The following NAV3 variants were observed in gnomAD, a reference collection of about 807,000 sequenced individuals.
The protein encoded by NAV3 is neuron navigator 3.
NAV3 carries 87 observed loss-of-function variants against 244.7 expected under a neutral mutation model. The ratio of observed to expected loss-of-function variants is 0.36; its 90% CI spans 0.30 to 0.42. NAV3 has a LOEUF of 0.42. NAV3 is among the 20% of genes least tolerant of loss of function. The pLI, the probability that NAV3 is intolerant of heterozygous loss-of-function variation, is 1.00. For missense variants in NAV3, 2,663 were observed against 2,893.3 expected (o/e 0.92, Z 1.83); for synonymous variants, 1,126 against 1,042.2 (o/e 1.08, Z -1.55).
chr12:77,782,812 A>G, intron 2 of NAV3, among the ~76,000 whole-genome samples: 1 of 152,214 alleles, frequency 6.6e-6, no homozygotes, highest in East Asian at 1.9e-4. Flanking sequence ...TAGAATATTT[A>G]CTGCTTATTT....
intron 3 of NAV3, among the ~76,000 whole-genome samples, chr12:77,949,129 A>T (rs975527630): frequency 7.9e-5 from 12 of 152,042 alleles, no homozygotes; most frequent in African/African-American, 2.7e-4. Flanking sequence ...CCTGCCTTCT[A>T]TTAGCCATGT....
intron 12 of NAV3, among the ~76,000 whole-genome samples, chr12:78,062,531 A>G (rs1884466736): frequency 6.6e-6 from 1 of 152,160 alleles, no homozygotes; most frequent in Admixed American, 6.6e-5. Flanking sequence ...TCAAAGTAAC[A>G]TCTGCTTAAT....
At chr12:77,804,699 T>A (rs114243068) in intron 2 of NAV3, among the ~76,000 whole-genome samples, 3,172 of 152,212 alleles carry the variant, frequency 0.021, 106 homozygotes, top group African/African-American at 0.073. Context: ...TTTTTTTTAA[T>A]TCTGTGAATA....
intron 28 of NAV3, 143 bp from the exon 29 acceptor site, chr12:78,179,383 CCTT>C: frequency 1.2e-6 from 1 of 813,956 alleles, no homozygotes; most frequent in Non-Finnish European, 1.8e-6. Flanking sequence ...TTGTAAAACT[CCTT>C]CTCCTTTTCT....
chr12:78,137,425 A>G (rs1956421682), intron 19 of NAV3, 60 bp downstream of exon 19: 1 of 1,481,498 alleles, frequency 6.7e-7, no homozygotes, highest in Non-Finnish European at 9.0e-7. Context: ...GAGGGAAACC[A>G]TTGTGTCACT....
intron 12 of NAV3, chr12:78,091,843 G>A (rs1953960570): frequency 6.7e-6 from 1 of 149,762 alleles, no homozygotes; most frequent in South Asian, 2.1e-4. Context: ...CATTTCTTGT[G>A]CAATTTCTCC....
intron 1 of NAV3, among the ~76,000 whole-genome samples, chr12:77,891,422 A>G (rs892707766): frequency 6.6e-6 from 1 of 151,974 alleles, no homozygotes; most frequent in Non-Finnish European, 1.5e-5. Flanking sequence ...AACCCAAAAT[A>G]TCCTCAAAAG....
At chr12:78,127,082 T>A (rs1216613661) in intron 16 of NAV3, 85 bp from the exon 17 acceptor site, 35 of 1,342,542 alleles carry the variant, frequency 2.6e-5, no homozygotes, top group Non-Finnish European at 3.7e-5. Context: ...TTATTTTTTA[T>A]AGTTCAGAGA....
At chr12:77,922,491 G>A (rs1887807196) in intron 1 of NAV3, among the ~76,000 whole-genome samples, 1 of 152,006 alleles carries the variant, frequency 6.6e-6, no homozygotes, top group Non-Finnish European at 1.5e-5. Flanking sequence ...CAATTCCTGT[G>A]TGCCCTACTC....
intron 2 of NAV3, among the ~76,000 whole-genome samples, chr12:77,805,331 G>A (rs146886771): frequency 6.6e-6 from 1 of 152,154 alleles, no homozygotes; most frequent in Non-Finnish European, 1.5e-5. Context: ...ATTAGTTTGA[G>A]ATATGTTCCA....
intron 12 of NAV3, among the ~76,000 whole-genome samples, chr12:78,073,460 C>A (rs1952884454): frequency 6.6e-6 from 1 of 152,022 alleles, no homozygotes; most frequent in African/African-American, 2.4e-5. Flanking sequence ...GAATAAAATA[C>A]CTAGGAATCC....
At chr12:77,622,836 T>C (rs1340993686) in intron 2 of NAV3, among the ~76,000 whole-genome samples, 1 of 152,184 alleles carries the variant, frequency 6.6e-6, no homozygotes, top group Admixed American at 6.5e-5. Flanking sequence ...TTAAAAGCTT[T>C]CTAGTAAGGA....
intron 12 of NAV3, among the ~76,000 whole-genome samples, chr12:78,090,408 T>C (rs1217390310): frequency 6.6e-6 from 1 of 151,950 alleles, no homozygotes; most frequent in Non-Finnish European, 1.5e-5. Flanking sequence ...TTTAAACTTG[T>C]TTGAATTTAA....
intron 7 of NAV3, among the ~76,000 whole-genome samples, chr12:78,003,557 C>T (rs764548886): frequency 3.7e-4 from 57 of 152,202 alleles, no homozygotes; most frequent in Non-Finnish European, 4.7e-4. Context: ...AAGAGATAAG[C>T]GATTAAGAAT....
rs1374192623 is a variant in NAV3 at position 78,140,354 on chromosome 12, A to G, written c.4683+20A>G. 46 of 1,604,240 alleles carry G rather than the reference A, an allele frequency of 2.9e-5. No homozygotes were observed. The highest frequency in any genetic ancestry group is 3.8e-5 in the Non-Finnish European group (45 of 1,171,950). ...TCTACAGTAAGTAATGGCTGTTAAG[A>G]AAAAGCTTGTGCTTTTGCCATGCAC... On this transcript the variant is annotated intron_variant, in intron 20 of 39. Coordinates refer to ENST00000397909, the MANE Select transcript of NAV3 (RefSeq NM_001024383.2).
intron 2 of NAV3, among the ~76,000 whole-genome samples, chr12:77,765,021 A>C (rs1342672818): frequency 1.3e-5 from 2 of 152,270 alleles, no homozygotes; most frequent in African/African-American, 2.4e-5. Flanking sequence ...ATAAAACATT[A>C]TGAAGGCTAT....
At chr12:78,112,893 G>T (rs933192368) in intron 12 of NAV3, among the ~76,000 whole-genome samples, 21 of 152,160 alleles carry the variant, frequency 1.4e-4, no homozygotes, top group Non-Finnish European at 1.6e-4. Context: ...CTATGAGCCT[G>T]TAAATTCGAA....
At chr12:77,716,595 A>G (rs1179715457) in intron 2 of NAV3, among the ~76,000 whole-genome samples, 2 of 151,964 alleles carry the variant, frequency 1.3e-5, no homozygotes, top group Non-Finnish European at 2.9e-5. Context: ...TTTTTGCACT[A>G]TAAATATAGA....
rs771320288 is a variant in NAV3 at position 78,188,231 on chromosome 12, A to G, written c.5791-17A>G. ...ACACGGTTGGATTTTATCTTACTTT[A>G]TTTTGTTCTTATTTAGGACCAAAAA... On this transcript the variant is annotated splice_polypyrimidine_tract_variant and intron_variant, in intron 31 of 39. Transcript: ENST00000397909. 1 of 1,553,898 alleles carries G rather than the reference A, an allele frequency of 6.4e-7. No individual in the cohort carries two copies. Among genetic ancestry groups the G allele is most frequent in the South Asian group, 1.1e-5 (1 of 87,562 alleles).
Sources: allele counts gnomAD v4.1 joint callset (sites outside exome capture counted in the v4.1 genomes callset), GRCh38; gene constraint gnomAD v4.1.1; transcripts MANE v1.5; gene names NCBI Gene and HGNC (gene_info 2026-07-23, HGNC 2026-07-21).